Variants in PLCXD3 observed in about 807,000 individuals in gnomAD.
PLCXD3 encodes phosphatidylinositol specific phospholipase C X domain containing 3.
A neutral mutation model predicts 25.5 loss-of-function variants in PLCXD3; 19 were observed. The ratio of observed to expected loss-of-function variants is 0.75; its 90% CI spans 0.52 to 1.09. The LOEUF is 1.09. Ranked by LOEUF, PLCXD3 falls within the 50% of genes least tolerant of loss-of-function variation. PLCXD3 has a pLI of 0.00. For missense variants in PLCXD3, 411 were observed against 388.1 expected (o/e 1.06, Z -0.50); for synonymous variants, 174 against 137.6 (o/e 1.26, Z -1.85).
intron 1 of PLCXD3, among the ~76,000 whole-genome samples, chr5:41,390,757 T>C (rs1050242722): frequency 6.6e-6 from 1 of 151,998 alleles, no homozygotes; most frequent in African/African-American, 2.4e-5. Flanking sequence ...GGAACAAAAA[T>C]CAGATGACCA....
chr5:41,463,179 G>C (rs1474344679), intron 1 of PLCXD3, among the ~76,000 whole-genome samples: 1 of 151,952 alleles, frequency 6.6e-6, no homozygotes, highest in East Asian at 1.9e-4. Context: ...GATTCCACCT[G>C]TATTCATCAG....
At chr5:41,322,119 T>C (rs1743489986) in intron 2 of PLCXD3, among the ~76,000 whole-genome samples, 1 of 152,068 alleles carries the variant, frequency 6.6e-6, no homozygotes, top group Non-Finnish European at 1.5e-5. Context: ...CAGTGAAGGA[T>C]ACAATCAACA....
chr5:41,345,687 C>T (rs1412474982), intron 2 of PLCXD3, among the ~76,000 whole-genome samples: 6 of 98,328 alleles, frequency 6.1e-5, no homozygotes, highest in Middle Eastern at 4.3e-3. Context: ...TATGTGTACA[C>T]ACACACACAC....
intron 1 of PLCXD3, among the ~76,000 whole-genome samples, chr5:41,400,717 G>GT (rs1746644054): frequency 1.3e-5 from 2 of 152,008 alleles, no homozygotes; most frequent in African/African-American, 4.8e-5. Context: ...TTCAGAGGAG[G>GT]TGGAGATGGT....
At chr5:41,325,261 T>C (rs1206248779) in intron 2 of PLCXD3, among the ~76,000 whole-genome samples, 1 of 152,234 alleles carries the variant, frequency 6.6e-6, no homozygotes, top group African/African-American at 2.4e-5. Flanking sequence ...TGTTCAGGCA[T>C]ACGTTCCTAA....
chr5:41,472,217 T>C, intron 1 of PLCXD3, among the ~76,000 whole-genome samples: 1 of 152,076 alleles, frequency 6.6e-6, no homozygotes, highest in South Asian at 2.1e-4. Flanking sequence ...TTGAAGCATG[T>C]ATGTCTTAAT....
intron 1 of PLCXD3, among the ~76,000 whole-genome samples, chr5:41,407,027 T>TCTGC (rs1746372703): frequency 6.6e-6 from 1 of 152,168 alleles, no homozygotes; most frequent in Non-Finnish European, 1.5e-5. Context: ...ATCTGCTGAG[T>TCTGC]CTGCCTGCCT....
In PLCXD3 at chr5:41,508,343, G is replaced by T. The variant is rs1738930831; in HGVS notation, c.103+2081C>A. 2.0e-5 allele frequency among the ~76,000 whole-genome samples: 3 copies of T among 152,172 alleles called. No homozygotes were observed. In the South Asian group the frequency reaches 6.2e-4, roughly 32 times the overall value. On this transcript the variant is annotated intron_variant, in intron 1 of 2. Transcript: ENST00000377801. The stretch of plus-strand genomic sequence containing the variant: ...TTTTTCTTAACCCTGGTTAGTCACA[G>T]TTGCTGCTGAATCATCCAGATACAA...
intron 1 of PLCXD3, among the ~76,000 whole-genome samples, chr5:41,407,554 C>A (rs1483067861): frequency 6.6e-6 from 1 of 152,170 alleles, no homozygotes; most frequent in Non-Finnish European, 1.5e-5. Context: ...CATAATTTTG[C>A]CTCAATCTTC....
intron 1 of PLCXD3, among the ~76,000 whole-genome samples, chr5:41,448,861 T>C (rs1747564008): frequency 6.6e-6 from 1 of 152,162 alleles, no homozygotes; most frequent in African/African-American, 2.4e-5. Flanking sequence ...ACATTTATAA[T>C]CTTCTTAACC....
In PLCXD3 at chr5:41,312,313, G is replaced by A. The variant is rs993828666; in HGVS notation, c.*1304C>T. 2 of 152,364 alleles carry A rather than the reference G, an allele frequency of 1.3e-5. No homozygotes were observed. The highest frequency in any genetic ancestry group is 4.8e-5 in the African/African-American group (2 of 41,404). The allele number at this position is 152,364 out of a possible 1,614,324, so 9.4% of individuals were successfully genotyped here. A position where few individuals can be genotyped will look rare whatever the true frequency, so the allele number is the denominator to read the frequency against. The stretch of plus-strand genomic sequence containing the variant: ...AGCCAATTTTAAACAAGTCCATTCA[G>A]ACCTCATAAATTTCAAGTTTCCTAA... On this transcript the variant is annotated 3_prime_UTR_variant, in exon 3 of 3. Coordinates refer to ENST00000377801, the MANE Select transcript of PLCXD3 (RefSeq NM_001005473.3).
At chr5:41,445,959 G>A (rs1747485725) in intron 1 of PLCXD3, among the ~76,000 whole-genome samples, 1 of 151,758 alleles carries the variant, frequency 6.6e-6, no homozygotes, top group Non-Finnish European at 1.5e-5. Flanking sequence ...AGGCCGAGGC[G>A]GACGAATCAC....
chr5:41,329,179 C>T (rs754577816), intron 2 of PLCXD3, among the ~76,000 whole-genome samples: 1 of 152,156 alleles, frequency 6.6e-6, no homozygotes, highest in Non-Finnish European at 1.5e-5. Flanking sequence ...TTCCCTGCCC[C>T]GTCACTTGGT....
chr5:41,410,020 GAGATTA>G, intron 1 of PLCXD3, among the ~76,000 whole-genome samples: 1 of 152,118 alleles, frequency 6.6e-6, no homozygotes, highest in East Asian at 1.9e-4. Context: ...ATTATACTGA[GAGATTA>G]CAAACAACAT....
At chr5:41,502,390 T>C (rs550933267) in intron 1 of PLCXD3, among the ~76,000 whole-genome samples, 1 of 152,182 alleles carries the variant, frequency 6.6e-6, no homozygotes, top group South Asian at 2.1e-4. Context: ...TGTGTATGTG[T>C]ATGTGTGCGG....
chr5:41,480,318 G>A (rs1748377130), intron 1 of PLCXD3, among the ~76,000 whole-genome samples: 1 of 151,568 alleles, frequency 6.6e-6, no homozygotes, highest in Non-Finnish European at 1.5e-5. Context: ...ACACAGCAAT[G>A]TCCTTTTGAG....
At chr5:41,444,056 T>A (rs1257743393) in intron 1 of PLCXD3, among the ~76,000 whole-genome samples, 1 of 152,222 alleles carries the variant, frequency 6.6e-6, no homozygotes. Flanking sequence ...GTGTTTTTTT[T>A]CTCACCTCTA....
intron 1 of PLCXD3, among the ~76,000 whole-genome samples, chr5:41,493,769 C>T (rs954898439): frequency 6.6e-6 from 1 of 152,170 alleles, no homozygotes; most frequent in Non-Finnish European, 1.5e-5. Flanking sequence ...CCTGGTGCGC[C>T]GTTTTTTAAG....
chr5:41,362,169 T>C (rs1351152890), intron 2 of PLCXD3, among the ~76,000 whole-genome samples: 2 of 152,246 alleles, frequency 1.3e-5, no homozygotes, highest in Admixed American at 1.3e-4. Context: ...AATTTGGAAG[T>C]AGACAAACAT....
Sources: gnomAD v4.1 joint callset for allele counts (sites outside exome capture counted in the v4.1 genomes callset) on GRCh38, gnomAD v4.1.1 for gene constraint, MANE v1.5 for transcripts, NCBI Gene and HGNC (gene_info 2026-07-23, HGNC 2026-07-21) for gene names.